Variants in DERA observed in about 807,000 individuals in gnomAD.
DERA encodes deoxyribose-phosphate aldolase, also known as 2-deoxy-D-ribose 5-phosphate aldolase.
DERA carries 15 observed loss-of-function variants against 41.1 expected under a neutral mutation model. That is an observed-to-expected ratio of 0.37 (90% CI 0.24 to 0.56). DERA has a LOEUF of 0.56. Among genes scored for constraint, DERA ranks in the 20% least tolerant of loss-of-function variants. The pLI is 0.81. For synonymous variants in DERA, 139 were observed against 137.4 expected (o/e 1.01, Z -0.08); for missense variants, 396 against 403.4 (o/e 0.98, Z 0.16).
chr12:15,944,463 A>T (rs1948431782), intron 1 of DERA, among the ~76,000 whole-genome samples: 1 of 151,984 alleles, frequency 6.6e-6, no homozygotes, highest in East Asian at 1.9e-4. Flanking sequence ...TTTGATTTGC[A>T]TTTCTCTGAT....
rs1402175861 is a variant in DERA, at chr12:15,999,815, G to C, written c.637+17379G>C. ...CGTTAGGATTTATTGGAAGTTTGCT[G>C]TATGTCAGACACTGGATGACAAAGA... is the stretch of plus-strand genomic sequence containing the variant. On this transcript the variant is annotated intron_variant, in intron 6 of 8. Coordinates refer to ENST00000428559, the MANE Select transcript of DERA (RefSeq NM_015954.4). This position sits in a 1 kb window ranked among gnomAD's most constrained non-coding sequence, Gnocchi z 5.3. 1.3e-5 allele frequency among the ~76,000 whole-genome samples: 2 copies of C among 152,194 alleles called. No homozygotes were observed. Among genetic ancestry groups the C allele is most frequent in the Admixed American group, 1.3e-4 (2 of 15,276 alleles).
intron 6 of DERA, among the ~76,000 whole-genome samples, chr12:15,987,251 T>G (rs1253449689): frequency 7.0e-6 from 1 of 143,856 alleles, no homozygotes; most frequent in Admixed American, 6.8e-5. Context: ...TTTTTTTTTT[T>G]TTTGAGACAT....
intron 1 of DERA, chr12:15,916,351 T>G (rs1013993999): frequency 6.6e-5 from 10 of 152,310 alleles, no homozygotes; most frequent in African/African-American, 2.2e-4. Context: ...GTGTGTGTGT[T>G]TGTTTTCGTC....
Position 16,019,373 on chromosome 12 carries a change from A to T in DERA, c.638-13169A>T, listed in dbSNP as rs1949003998. Among the ~76,000 whole-genome samples, 1 of 152,182 alleles carries T rather than the reference A, an allele frequency of 6.6e-6. No homozygotes were observed. The highest frequency in any genetic ancestry group is 1.5e-5 in the Non-Finnish European group (1 of 68,034). ...TCCTTTCTCAACACATCCAATACAG[A>T]CACTAAATTTAGCATCTTAAAACAC... On this transcript the variant is annotated intron_variant, in intron 6 of 8. Transcript: ENST00000428559. This position sits in a 1 kb window ranked among gnomAD's most constrained non-coding sequence, Gnocchi z 4.4.
At chr12:15,948,793 A>G (rs999975399) in intron 1 of DERA, among the ~76,000 whole-genome samples, 4 of 152,130 alleles carry the variant, frequency 2.6e-5, no homozygotes, top group Non-Finnish European at 5.9e-5. Context: ...TAGAATTTTC[A>G]GCTTTTCTGC....
intron 5 of DERA, among the ~76,000 whole-genome samples, chr12:15,979,744 C>G (rs1040810437): frequency 1.3e-5 from 2 of 152,228 alleles, no homozygotes; most frequent in Non-Finnish European, 2.9e-5. Context: ...TAAGTGACCA[C>G]TTGCAGTTCA....
Position 15,931,460 on chromosome 12 carries a change from C to CT in DERA, c.31+20047dup, listed in dbSNP as rs1948327368. On this transcript the variant is annotated intron_variant, in intron 1 of 8. Transcript: ENST00000428559. The surrounding 1 kb of genome is among the most constrained non-coding windows in gnomAD (Gnocchi z 4.6). ...TTATCCAGCTTCTTGATGAATTTCT[C>CT]TAAGGTGTAATGATTCTCTCTGTAA... 6.6e-6 allele frequency among the ~76,000 whole-genome samples: 1 copy of CT among 152,164 alleles called. No homozygotes were observed. The highest frequency in any genetic ancestry group is 1.5e-5 in the Non-Finnish European group (1 of 68,034).
rs1948420454 is a variant in DERA at position 15,943,120 on chromosome 12, G to A, written c.32-13816G>A. 6.6e-6 allele frequency among the ~76,000 whole-genome samples: 1 copy of A among 152,182 alleles called. No homozygotes were observed. The highest frequency in any genetic ancestry group is 1.5e-5 in the Non-Finnish European group (1 of 68,042). On this transcript the variant is annotated intron_variant, in intron 1 of 8. Transcript: ENST00000428559. The surrounding 1 kb of genome is among the most constrained non-coding windows in gnomAD (Gnocchi z 4.5). ...AAACTCTTCCACACACTTACCTGAG[G>A]CTGTTTATGGGTAGTGAGCAGAGGA...
In DERA at chr12:16,014,914, A is replaced by G. The variant is rs949628863; in HGVS notation, c.638-17628A>G. Among the ~76,000 whole-genome samples, 2 of 152,148 alleles carry G rather than the reference A, an allele frequency of 1.3e-5. No homozygotes were observed. Among genetic ancestry groups the G allele is most frequent in the Admixed American group, 1.3e-4 (2 of 15,286 alleles). ...GATATGAGACATGGAGTCAAAGGAGATCTTTTTGTAGCTTTAAGATTTGAC... is the reference window on the plus strand; with the variant it reads ...GATATGAGACATGGAGTCAAAGGAGGTCTTTTTGTAGCTTTAAGATTTGAC... On this transcript the variant is annotated intron_variant, in intron 6 of 8. Coordinates refer to ENST00000428559, the MANE Select transcript of DERA (RefSeq NM_015954.4). The surrounding 1 kb of genome is among the most constrained non-coding windows in gnomAD (Gnocchi z 5.4).
chr12:15,956,608 G>C (rs979903159), intron 1 of DERA: 7 of 394,086 alleles, frequency 1.8e-5, no homozygotes, highest in South Asian at 1.4e-4. Flanking sequence ...TACGTGGCAT[G>C]GGTAACACAC....
At chr12:16,016,513 A>T (rs1324239621) in intron 6 of DERA, among the ~76,000 whole-genome samples, 1 of 152,182 alleles carries the variant, frequency 6.6e-6, no homozygotes, top group Non-Finnish European at 1.5e-5. Context: ...TTGAAAGATT[A>T]AACAAGTTGG....
chr12:15,980,891 G>A (rs759576830), intron 5 of DERA, among the ~76,000 whole-genome samples: 1 of 152,142 alleles, frequency 6.6e-6, no homozygotes, highest in Non-Finnish European at 1.5e-5. Flanking sequence ...TTATTTGGCT[G>A]TTATAACTTG....
At chr12:15,919,965 A>C (rs1483080859) in intron 1 of DERA, among the ~76,000 whole-genome samples, 2 of 127,536 alleles carry the variant, frequency 1.6e-5, no homozygotes, top group Non-Finnish European at 3.4e-5. Context: ...CAGCCTGAGA[A>C]AGAAATGTGT....
In DERA at chr12:15,931,082, T is replaced by TA. The variant is rs1448700028; in HGVS notation, c.31+19669dup. Among the ~76,000 whole-genome samples the TA allele has an allele frequency of 6.6e-6, 1 of 152,188 alleles. No individual in the cohort carries two copies. Among genetic ancestry groups the TA allele is most frequent in the Non-Finnish European group, 1.5e-5 (1 of 68,026 alleles). Reference sequence around the variant, plus strand: ...TCAAATTGTTTTAAGTGTTTTCTATTATGGAGATATAAATAATATTTAGGA... The same window carrying TA: ...TCAAATTGTTTTAAGTGTTTTCTATTAATGGAGATATAAATAATATTTAGGA... On this transcript the variant is annotated intron_variant, in intron 1 of 8. Coordinates refer to ENST00000428559, the MANE Select transcript of DERA (RefSeq NM_015954.4). This position sits in a 1 kb window ranked among gnomAD's most constrained non-coding sequence, Gnocchi z 4.6.
intron 6 of DERA, among the ~76,000 whole-genome samples, chr12:16,018,668 G>T (rs966467059): frequency 6.6e-6 from 1 of 152,068 alleles, no homozygotes; most frequent in African/African-American, 2.4e-5. Context: ...TTTAATGAAA[G>T]TTTTTAATGA....
At chr12:15,932,563 G>A (rs1948336379) in intron 1 of DERA, among the ~76,000 whole-genome samples, 1 of 152,042 alleles carries the variant, frequency 6.6e-6, no homozygotes, top group Non-Finnish European at 1.5e-5. Flanking sequence ...GATTGCTTGA[G>A]CCTGGGAGGA....
intron 7 of DERA, among the ~76,000 whole-genome samples, chr12:16,033,344 T>C (rs1373095522): frequency 6.6e-6 from 1 of 152,222 alleles, no homozygotes; most frequent in Non-Finnish European, 1.5e-5. Context: ...TTTTTGCGTT[T>C]TATGGAAGTT....
At chr12:15,964,059 G>A (rs931348485) in intron 5 of DERA, among the ~76,000 whole-genome samples, 1 of 152,162 alleles carries the variant, frequency 6.6e-6, no homozygotes, top group African/African-American at 2.4e-5. Context: ...CAAAGTTCTT[G>A]GAGACCCGGG....
In DERA at chr12:15,922,610, A is replaced by G. The variant is rs539222892; in HGVS notation, c.31+11196A>G. ...TTCAGTTGTTTTGGTGCTTGACAGT[A>G]GTTGTTTTTACAGGCCAAGTTGAAA... On this transcript the variant is annotated intron_variant, in intron 1 of 8. Coordinates refer to ENST00000428559, the MANE Select transcript of DERA (RefSeq NM_015954.4). This position sits in a 1 kb window ranked among gnomAD's most constrained non-coding sequence, Gnocchi z 4.9. Among the ~76,000 whole-genome samples, 9 of 152,314 alleles carry G rather than the reference A, an allele frequency of 5.9e-5. No homozygotes were observed. Among genetic ancestry groups the G allele is most frequent in the South Asian group, 2.1e-4 (1 of 4,824 alleles).
Sources: allele counts gnomAD v4.1 joint callset (sites outside exome capture counted in the v4.1 genomes callset), GRCh38; gene constraint gnomAD v4.1.1; non-coding constraint Gnocchi (gnomAD v3.1); transcripts MANE v1.5; gene names NCBI Gene and HGNC (gene_info 2026-07-23, HGNC 2026-07-21).